ARB2A: variants seen among roughly 807,000 people sequenced by gnomAD.
ARB2A encodes the protein cotranscriptional regulator ARB2A.
the ARB2A span, among the ~76,000 whole-genome samples, chr5:93,656,853 A>G: frequency 3.3e-5 from 5 of 151,970 alleles, no homozygotes; most frequent in Non-Finnish European, 7.4e-5. Context: ...CTGTGTTTCA[A>G]TTAGGGGATA....
At chr5:93,986,885 C>T in the ARB2A span, among the ~76,000 whole-genome samples, 3 of 151,986 alleles carry the variant, frequency 2.0e-5, no homozygotes, top group South Asian at 2.1e-4. Context: ...TGCAGAAGGC[C>T]GCAGGGTCCT....
At chr5:93,679,741 T>A in the ARB2A span, among the ~76,000 whole-genome samples, 1 of 152,118 alleles carries the variant, frequency 6.6e-6, no homozygotes, top group South Asian at 2.1e-4. Context: ...ACATACACAA[T>A]TTTATGCCCC....
At chr5:94,059,137 C>A in the ARB2A span, among the ~76,000 whole-genome samples, 1 of 150,060 alleles carries the variant, frequency 6.7e-6, no homozygotes, top group South Asian at 2.1e-4. Context: ...GCCTTCATAG[C>A]AATGCAAACA....
chr5:94,053,136 A>G, the ARB2A span: 1 of 1,579,484 alleles, frequency 6.3e-7, no homozygotes, highest in Non-Finnish European at 8.6e-7. Flanking sequence ...TTTCATTAAA[A>G]GCATATTCAA....
the ARB2A span, among the ~76,000 whole-genome samples, chr5:93,934,799 A>G: frequency 9.2e-5 from 14 of 151,680 alleles, no homozygotes; most frequent in Admixed American, 8.5e-4. Flanking sequence ...ATATTTGATG[A>G]TATTGTTGCA....
the ARB2A span, among the ~76,000 whole-genome samples, chr5:93,852,642 G>T: frequency 2.0e-5 from 3 of 151,980 alleles, no homozygotes; most frequent in Non-Finnish European, 2.9e-5. Context: ...TTAGGTGTAA[G>T]GAAGGGATCC....
At chr5:93,876,026 ATAATCTGTT>A in the ARB2A span, among the ~76,000 whole-genome samples, 1 of 152,240 alleles carries the variant, frequency 6.6e-6, no homozygotes, top group African/African-American at 2.4e-5. Context: ...GCTTTAAAAA[ATAATCTGTT>A]GCCAAGAAGC....
chr5:93,824,337 T>C, the ARB2A span: 57 of 1,146,834 alleles, frequency 5.0e-5, 1 homozygote, highest in South Asian at 8.3e-4. Flanking sequence ...AACAATTAAA[T>C]TATATGCTTG....
chr5:94,089,594 T>TACACAC, the ARB2A span, among the ~76,000 whole-genome samples: 17,614 of 135,488 alleles, frequency 0.13, 1,247 homozygotes, highest in South Asian at 0.17. Context: ...AAACCGTTTA[T>TACACAC]ACACACACAC....
chr5:94,088,311 G>A, the ARB2A span, among the ~76,000 whole-genome samples: 1 of 151,972 alleles, frequency 6.6e-6, no homozygotes, highest in Non-Finnish European at 1.5e-5. Context: ...TATTACAAAA[G>A]ACAAACTATA....
At chr5:93,644,908 C>A in the ARB2A span, among the ~76,000 whole-genome samples, 1 of 152,118 alleles carries the variant, frequency 6.6e-6, no homozygotes, top group Non-Finnish European at 1.5e-5. Flanking sequence ...TAAAACAGCA[C>A]CTTGAATATG....
chr5:94,023,221 T>C, the ARB2A span, among the ~76,000 whole-genome samples: 2 of 152,232 alleles, frequency 1.3e-5, no homozygotes, highest in African/African-American at 2.4e-5. Context: ...ACAAGTTCTA[T>C]ATCTGTGTAA....
the ARB2A span, among the ~76,000 whole-genome samples, chr5:93,883,179 T>G: frequency 2.6e-5 from 4 of 151,504 alleles, no homozygotes; most frequent in African/African-American, 4.8e-5. Flanking sequence ...GTTTGGAAAT[T>G]TTCAAGATCA....
chr5:93,887,984 C>G, the ARB2A span, among the ~76,000 whole-genome samples: 1 of 151,840 alleles, frequency 6.6e-6, no homozygotes, highest in African/African-American at 2.4e-5. Context: ...GTCTGTAAAA[C>G]ATGAAGGATA....
At chr5:93,833,422 A>G in the ARB2A span, among the ~76,000 whole-genome samples, 1 of 152,208 alleles carries the variant, frequency 6.6e-6, no homozygotes, top group Non-Finnish European at 1.5e-5. Flanking sequence ...TATAAAAGCA[A>G]AACTTTGGAT....
At chr5:94,015,061 A>T in the ARB2A span, among the ~76,000 whole-genome samples, 3 of 152,046 alleles carry the variant, frequency 2.0e-5, no homozygotes, top group African/African-American at 7.2e-5. Context: ...AGTACCAAAC[A>T]GACTTGACCG....
the ARB2A span, among the ~76,000 whole-genome samples, chr5:93,624,945 C>T: frequency 1.3e-5 from 2 of 152,026 alleles, no homozygotes; most frequent in South Asian, 2.1e-4. Flanking sequence ...ATACAACTAC[C>T]GTGTAAATCG....
chr5:94,072,918 T>C, the ARB2A span, among the ~76,000 whole-genome samples: 1 of 152,102 alleles, frequency 6.6e-6, no homozygotes, highest in Non-Finnish European at 1.5e-5. Context: ...TCTTCCAGCA[T>C]GCACTGCTTT....
chr5:93,683,457 A>T, the ARB2A span: 1 of 1,598,626 alleles, frequency 6.3e-7, no homozygotes, highest in Non-Finnish European at 8.5e-7. Context: ...CCCCCAAGGG[A>T]AACTGTTGGC....
Sources: allele counts gnomAD v4.1 joint callset (sites outside exome capture counted in the v4.1 genomes callset), GRCh38; gene constraint gnomAD v4.1.1; transcripts MANE v1.5; gene names NCBI Gene and HGNC (gene_info 2026-07-23, HGNC 2026-07-21).